RBFOX1: variants seen among roughly 807,000 people sequenced by gnomAD.
RBFOX1 encodes RNA binding fox-1 homolog 1.
RBFOX1 carries 8 observed loss-of-function variants against 57.7 expected under a neutral mutation model. That is an observed-to-expected ratio of 0.14 (90% CI 0.08 to 0.25). RBFOX1 has a LOEUF of 0.25. Ranked by LOEUF, RBFOX1 falls within the 10% of genes least tolerant of loss-of-function variation. The pLI is 1.00. For missense variants in RBFOX1, 611 were observed against 548.5 expected, an observed-to-expected ratio of 1.11 and a Z score of -1.14; for synonymous variants, 326 against 222.4, an observed-to-expected ratio of 1.47 and a Z score of -4.15.
rs899449780 is a variant in RBFOX1 at position 5,421,046 on chromosome 16, A to T, written c.220-46170A>T. On this transcript the variant is annotated intron_variant, in intron 1 of 2. Transcript: ENST00000585867. ...TTTTGAGACTGGAACTTGCTTTGTC[A>T]CCTAGGCTGGAGTGCAGTGGTGCAA... Among the ~76,000 whole-genome samples, 6 of 148,386 alleles carry T rather than the reference A, an allele frequency of 4.0e-5. No individual in the cohort carries two copies. In the Admixed American group the frequency reaches 4.1e-4, roughly 10 times the overall value.
chr16:5,946,404 A>G lies in RBFOX1; in HGVS notation c.351+79069A>G, dbSNP rs2059400934. On this transcript the variant is annotated intron_variant, in intron 4 of 19. Coordinates refer to the RBFOX1 transcript ENST00000641259. This position sits in a 1 kb window ranked among gnomAD's most constrained non-coding sequence, Gnocchi z 4.6. ...CATGGATGTTTATCAAACACCAACCAAGTGCCGGATGCACTACTCTATCTT... is the reference window on the plus strand; with the variant it reads ...CATGGATGTTTATCAAACACCAACCGAGTGCCGGATGCACTACTCTATCTT... Among the ~76,000 whole-genome samples, 1 of 152,144 alleles carries G rather than the reference A, an allele frequency of 6.6e-6. No homozygotes were observed. Among genetic ancestry groups the G allele is most frequent in the South Asian group, 2.1e-4 (1 of 4,822 alleles).
At chr16:6,908,175 A>G (rs9939267) in intron 3 of RBFOX1, among the ~76,000 whole-genome samples, 51,459 of 151,428 alleles carry the variant, frequency 0.34, 10,992 homozygotes, top group African/African-American at 0.58. Flanking sequence ...CTGCATCCCT[A>G]CATCCGTGCA....
At chr16:5,576,449 C>T (rs2046460101) in intron 2 of RBFOX1, among the ~76,000 whole-genome samples, 1 of 152,176 alleles carries the variant, frequency 6.6e-6, no homozygotes, top group African/African-American at 2.4e-5. Flanking sequence ...TAATCCCCTC[C>T]CACCAACCTA....
At chr16:7,597,211 G>C in intron 8 of RBFOX1, 160 bp from the exon 9 acceptor site, 1 of 508,348 alleles carries the variant, frequency 2.0e-6, no homozygotes. Context: ...TTTTAAAAAT[G>C]TATGATTTTG....
At chr16:7,418,090 C>T (rs1167521823) in intron 4 of RBFOX1, among the ~76,000 whole-genome samples, 1 of 152,142 alleles carries the variant, frequency 6.6e-6, no homozygotes, top group Non-Finnish European at 1.5e-5. Flanking sequence ...CTCTGCCCAA[C>T]CCTCCATTCC....
chr16:6,256,104 TAGC>T (rs1201010566), intron 1 of RBFOX1, among the ~76,000 whole-genome samples: 2 of 145,052 alleles, frequency 1.4e-5, no homozygotes, highest in Non-Finnish European at 3.0e-5. Flanking sequence ...CATTTCCACA[TAGC>T]AGTCTCTTAT....
chr16:7,693,461 T>A lies in RBFOX1; in HGVS notation c.996-15595T>A, dbSNP rs1277886848. ...TTCTTCACATGCTGCAGTTGGTCAC[T>A]CTAGAAAGTTTAGTTAAGAAAAAAA... On this transcript the variant is annotated intron_variant, in intron 14 of 15. Coordinates refer to ENST00000550418, the MANE Select transcript of RBFOX1 (RefSeq NM_018723.4). 7 of 924,172 alleles carry A rather than the reference T, an allele frequency of 7.6e-6. No individual in the cohort carries two copies. In the African/African-American group the frequency reaches 8.6e-5, roughly 11 times the overall value. 57.2% of individuals were successfully genotyped at this position (924,172 alleles called of 1,614,324 possible).
At chr16:6,020,880 C>T (rs945147683) in intron 1 of RBFOX1, among the ~76,000 whole-genome samples, 9 of 152,172 alleles carry the variant, frequency 5.9e-5, no homozygotes, top group African/African-American at 2.2e-4. Context: ...GCTGTCCACT[C>T]AGCAAGGGAG....
intron 4 of RBFOX1, among the ~76,000 whole-genome samples, chr16:7,509,648 C>T (rs761817618): frequency 2.0e-5 from 3 of 152,094 alleles, no homozygotes; most frequent in Non-Finnish European, 4.4e-5. Context: ...TTTTTAAGAT[C>T]GATTTGCAGT....
chr16:6,500,927 G>C (rs1311753755), intron 2 of RBFOX1, among the ~76,000 whole-genome samples: 2 of 32,652 alleles, frequency 6.1e-5, no homozygotes, highest in Admixed American at 8.1e-4. Flanking sequence ...TCTGTCCCTT[G>C]TTAAGTTTTG....
rs1567632496 is a variant in RBFOX1, at chr16:5,856,601, AT to A, written c.319-10701del. On this transcript the variant is annotated intron_variant, in intron 3 of 19. Transcript: ENST00000641259. ...TATATATATATATATATATATATATATATAATCTTAGCCAGATCTTCTGGAT... is the reference window on the plus strand; with the variant it reads ...TATATATATATATATATATATATATAATAATCTTAGCCAGATCTTCTGGAT... 5.8e-4 allele frequency among the ~76,000 whole-genome samples: 62 copies of A among 107,294 alleles called. 7 individuals carry two copies. The highest frequency in any genetic ancestry group is 8.4e-4 in the East Asian group (3 of 3,578). 70.4% of individuals were successfully genotyped at this position (107,294 alleles called of 152,430 possible). A position where few individuals can be genotyped will look rare whatever the true frequency, so the allele number is the denominator to read the frequency against.
chr16:5,366,369 G>T, intron 1 of RBFOX1: 1 of 380,648 alleles, frequency 2.6e-6, no homozygotes. Context: ...GAAAACTGAA[G>T]AAAAGTACCA....
chr16:5,555,129 G>GC (rs978931647), intron 2 of RBFOX1, among the ~76,000 whole-genome samples: 22 of 152,198 alleles, frequency 1.4e-4, no homozygotes, highest in African/African-American at 4.3e-4. Flanking sequence ...CAGGGCAAGA[G>GC]CCCCCCTTGC....
chr16:6,943,423 T>G (rs921035770), intron 3 of RBFOX1, among the ~76,000 whole-genome samples: 1 of 152,152 alleles, frequency 6.6e-6, no homozygotes. Flanking sequence ...AGTATGGGCC[T>G]GTGGGCCGGG....
intron 6 of RBFOX1, among the ~76,000 whole-genome samples, chr16:7,582,198 G>C (rs1243272041): frequency 6.6e-6 from 1 of 152,216 alleles, no homozygotes; most frequent in East Asian, 1.9e-4. Flanking sequence ...TTAAAGTCAA[G>C]ATTTTCAAGC....
chr16:7,206,274 T>G (rs1200499783), intron 4 of RBFOX1, among the ~76,000 whole-genome samples: 3 of 152,120 alleles, frequency 2.0e-5, no homozygotes, highest in Non-Finnish European at 4.4e-5. Flanking sequence ...GGCAAGTATC[T>G]AAGTTAATAA....
At chr16:5,875,152 C>G (rs866357972) in intron 4 of RBFOX1, among the ~76,000 whole-genome samples, 8 of 152,144 alleles carry the variant, frequency 5.3e-5, no homozygotes, top group Non-Finnish European at 1.2e-4. Context: ...ATAATTGCAG[C>G]CATCATTTAC....
intron 1 of RBFOX1, among the ~76,000 whole-genome samples, chr16:5,353,922 C>T (rs1323377944): frequency 6.6e-6 from 1 of 152,088 alleles, no homozygotes; most frequent in East Asian, 1.9e-4. Flanking sequence ...TTTGGAAACA[C>T]ATCAGCCTGG....
At chr16:5,931,121 T>C (rs991013862) in intron 4 of RBFOX1, among the ~76,000 whole-genome samples, 1 of 152,174 alleles carries the variant, frequency 6.6e-6, no homozygotes, top group African/African-American at 2.4e-5. Context: ...CCTCTTGCTC[T>C]CTGCACGTAG....
Sources: allele counts gnomAD v4.1 joint callset (sites outside exome capture counted in the v4.1 genomes callset), GRCh38; gene constraint gnomAD v4.1.1; non-coding constraint Gnocchi (gnomAD v3.1); transcripts MANE v1.5; gene names NCBI Gene and HGNC (gene_info 2026-07-23, HGNC 2026-07-21).